The following STAM variants were observed in gnomAD, a reference collection of about 807,000 sequenced individuals.
The protein encoded by STAM is signal transducing adapter molecule 1.
Under a neutral mutation model 63.4 loss-of-function variants are expected in STAM, and 16 were observed. That is an observed-to-expected ratio of 0.25 (90% CI 0.17 to 0.38). The LOEUF (loss-of-function observed/expected upper bound fraction) is 0.38, where lower values mean the gene tolerates loss of function less well. STAM is among the 10% of genes least tolerant of loss of function. The pLI is 1.00. For synonymous variants in STAM, 238 were observed against 223.9 expected, an observed-to-expected ratio of 1.06 and a Z score of -0.56; for missense variants, 636 against 657.1, an observed-to-expected ratio of 0.97 and a Z score of 0.35.
At position 17,708,857 on chromosome 10, in the gene STAM, C is replaced by A; in HGVS notation, c.1291C>A (p.Pro431Thr). The change falls in exon 13 of 14, where the codon CCC (proline) becomes ACC (threonine). Residue 431 changes from proline (P) to threonine (T), a missense_variant. This residue lies in a region of STAM where 532 missense variants were observed against 536.9 expected (regional missense o/e 0.99). Coordinates refer to ENST00000377524, the MANE Select transcript of STAM (RefSeq NM_003473.4). The part of the protein sequence containing the change: ...QMSHLQSYSL[P>T]PEQLSSLSQA... ...GAGCCACCTCCAGAGCTACAGTCTT[C>A]CCCCGGAGCAGCTGTCTTCTCTCAG... is the stretch of plus-strand genomic sequence containing the variant. 6.2e-7 allele frequency: 1 copy of A among 1,614,166 alleles called. No homozygotes were observed. Among genetic ancestry groups the A allele is most frequent in the Non-Finnish European group, 8.5e-7 (1 of 1,180,010 alleles).
At chr10:17,692,679 T>A (rs1835590286) in intron 5 of STAM, among the ~76,000 whole-genome samples, 1 of 152,234 alleles carries the variant, frequency 6.6e-6, no homozygotes, top group African/African-American at 2.4e-5. Flanking sequence ...GAGGCAGTGA[T>A]ATACTGTCAG....
At chr10:17,681,907 T>C (rs2131626163) in intron 2 of STAM, among the ~76,000 whole-genome samples, 1 of 152,344 alleles carries the variant, frequency 6.6e-6, no homozygotes, top group South Asian at 2.1e-4. Context: ...GTTTCGTAGG[T>C]TATATGAATG....
rs781847810 is a variant in STAM at position 17,660,517 on chromosome 10, A to G, written c.94A>G (p.Ile32Val). 1.9e-6 allele frequency: 3 copies of G among 1,606,714 alleles called. No individual in the cohort carries two copies. Among genetic ancestry groups the G allele is most frequent in the African/African-American group, 1.3e-5 (1 of 74,432 alleles). Reference sequence around the variant, plus strand: ...TGAGGACTGGGGCCTCATTTTGGATATCTGTGATAAAGTTGGTCAGTCTCG... The same window carrying G: ...TGAGGACTGGGGCCTCATTTTGGATGTCTGTGATAAAGTTGGTCAGTCTCG... ...TAEDWGLILD[I>V]CDKVGQSRTG... Residue 32 changes from isoleucine (I) to valine (V), a missense_variant, in exon 2 of 14, where the codon ATC (isoleucine) becomes GTC (valine). Around this residue, in one of 3 missense-constraint regions of STAM, gnomAD observed 87 missense variants for 80.3 expected, o/e 1.08. Transcript: ENST00000377524.
At chr10:17,687,964 A>G in intron 4 of STAM, 63 bp from the exon 5 acceptor site, 1 of 1,359,430 alleles carries the variant, frequency 7.4e-7, no homozygotes, top group Non-Finnish European at 9.8e-7. Context: ...ACTATTTAAA[A>G]TGTCTGTATT....
At position 17,667,720 on chromosome 10, in the gene STAM, A is replaced by C. The variant is rs557479877; in HGVS notation, c.125+7172A>C. Among the ~76,000 whole-genome samples, 100 of 152,372 alleles carry C rather than the reference A, an allele frequency of 6.6e-4. 1 individual carries two copies. The highest frequency in any genetic ancestry group is 4.1e-3 in the South Asian group (20 of 4,834). ...ACCAGAGTGCTATAATGGAAAATAA[A>C]AAGGTAGACTGGTATGAGGGGGTTA... On this transcript the variant is annotated intron_variant, in intron 2 of 13. Coordinates refer to ENST00000377524, the MANE Select transcript of STAM (RefSeq NM_003473.4).
chr10:17,669,759 G>T (rs868968765), intron 2 of STAM, among the ~76,000 whole-genome samples: 5 of 149,260 alleles, frequency 3.3e-5, no homozygotes, highest in African/African-American at 1.2e-4. Context: ...GTGCAGTGGC[G>T]CAATCTCAGC....
intron 1 of STAM, among the ~76,000 whole-genome samples, chr10:17,644,679 G>C (rs782214355): frequency 5.9e-5 from 9 of 152,186 alleles, no homozygotes; most frequent in Non-Finnish European, 1.2e-4. Context: ...CTGGTGCAGG[G>C]ACTGTGCTTC....
chr10:17,645,117 G>T (rs962794854), intron 1 of STAM, among the ~76,000 whole-genome samples: 1 of 152,106 alleles, frequency 6.6e-6, no homozygotes, highest in Non-Finnish European at 1.5e-5. Flanking sequence ...TTTGCTTTTG[G>T]TTTTTAATTT....
chr10:17,672,328 T>G (rs544344815), intron 2 of STAM, among the ~76,000 whole-genome samples: 3 of 152,348 alleles, frequency 2.0e-5, no homozygotes, highest in South Asian at 4.1e-4. Context: ...TCACTTTTCT[T>G]GGAAAAGAGA....
chr10:17,669,535 G>C (rs1834538238), intron 2 of STAM, among the ~76,000 whole-genome samples: 1 of 151,766 alleles, frequency 6.6e-6, no homozygotes, highest in Non-Finnish European at 1.5e-5. Flanking sequence ...CGAGAACATA[G>C]CATCTCTTTT....
At chr10:17,701,904 A>G (rs574820205) in intron 9 of STAM, among the ~76,000 whole-genome samples, 27 of 152,280 alleles carry the variant, frequency 1.8e-4, no homozygotes, top group African/African-American at 6.5e-4. Context: ...AACACAGCTG[A>G]GATGGTTCCA....
chr10:17,707,308 G>C (rs10218900), intron 12 of STAM, among the ~76,000 whole-genome samples: 84,044 of 151,788 alleles, frequency 0.55, 23,851 homozygotes, highest in South Asian at 0.77. Context: ...TACTTGGGAG[G>C]CTGAGGCAGG....
chr10:17,703,126 T>C (rs1836090524), intron 9 of STAM, among the ~76,000 whole-genome samples: 1 of 152,018 alleles, frequency 6.6e-6, no homozygotes, highest in South Asian at 2.1e-4. Context: ...AAATATTGTA[T>C]AGTATTCTGT....
intron 2 of STAM, among the ~76,000 whole-genome samples, chr10:17,680,541 G>T (rs116289462): frequency 0.017 from 2,552 of 151,952 alleles, 75 homozygotes; most frequent in African/African-American, 0.058. Context: ...GAATAGCTGG[G>T]ACTACAAGTG....
chr10:17,650,377 C>T (rs1309339623), intron 1 of STAM, among the ~76,000 whole-genome samples: 1 of 152,214 alleles, frequency 6.6e-6, no homozygotes, highest in Non-Finnish European at 1.5e-5. Context: ...CATTCTGACT[C>T]TTTACCAGAG....
intron 2 of STAM, among the ~76,000 whole-genome samples, chr10:17,669,972 C>T (rs1270337293): frequency 2.7e-5 from 4 of 150,362 alleles, no homozygotes; most frequent in African/African-American, 9.8e-5. Flanking sequence ...CTTCGTGATC[C>T]GCCCATCTCG....
chr10:17,662,190 G>A (rs1279343045), intron 2 of STAM, among the ~76,000 whole-genome samples: 1 of 152,032 alleles, frequency 6.6e-6, no homozygotes. Context: ...AAGCTCCTTA[G>A]TCTTCTGAAT....
At chr10:17,706,859 A>G (rs1836308410) in intron 12 of STAM, among the ~76,000 whole-genome samples, 2 of 152,164 alleles carry the variant, frequency 1.3e-5, no homozygotes, top group East Asian at 1.9e-4. Flanking sequence ...TATCTAATGA[A>G]CTTCTAGTTA....
At position 17,704,496 on chromosome 10, in the gene STAM, A is replaced by G. The variant is rs1836163743; in HGVS notation, c.978A>G (p.Leu326=). ...ACCCCAGTGATGATCAGCCAGACCT[A>G]CCAGAGCTGCTTCATCTTGAAGGTA... ...STDPSDDQPD[L]PELLHLEAMC... The change falls in exon 10 of 14, where the codon CTA becomes CTG. Residue 326 remains leucine, a synonymous_variant. Coordinates refer to ENST00000377524, the MANE Select transcript of STAM (RefSeq NM_003473.4). The G allele has an allele frequency of 6.2e-7, 1 of 1,614,038 alleles. No homozygotes were observed. Among genetic ancestry groups the G allele is most frequent in the East Asian group, 2.2e-5 (1 of 44,882 alleles).
Sources: allele counts gnomAD v4.1 joint callset (sites outside exome capture counted in the v4.1 genomes callset), GRCh38; gene constraint gnomAD v4.1.1; regional missense constraint gnomAD v4.1.1; transcripts MANE v1.5; gene names NCBI Gene and HGNC (gene_info 2026-07-23, HGNC 2026-07-21).